DOP1B: variants seen among roughly 807,000 people sequenced by gnomAD.
DOP1B encodes the protein DOP1 leucine zipper like protein B, also known as protein DOP1B.
DOP1B carries 174 observed loss-of-function variants against 233.5 expected under a neutral mutation model. The ratio of observed to expected loss-of-function variants is 0.75; its 90% CI spans 0.66 to 0.85. The LOEUF is 0.85. DOP1B is among the 40% of genes least tolerant of loss of function. The pLI is 0.00. For missense variants in DOP1B, 2,652 were observed against 2,846.6 expected, an observed-to-expected ratio of 0.93 and a Z score of 1.56; for synonymous variants, 1,190 against 1,185.6, an observed-to-expected ratio of 1.00 and a Z score of -0.08.
In DOP1B at chr21:36,262,766, C is replaced by T. The variant is rs867518043; in HGVS notation, c.5316-780C>T. Among the ~76,000 whole-genome samples the T allele has an allele frequency of 1.7e-4, 26 of 152,036 alleles. 1 individual carries two copies. The highest frequency in any genetic ancestry group is 3.4e-3 in the Middle Eastern group (1 of 294). On this transcript the variant is annotated intron_variant, in intron 24 of 36. Transcript: ENST00000691173. ...AAAATTAGCCCAGTGTGTTGGCCCG[C>T]GCCTATACTCCCAGCTTGGGAGGCT...
chr21:36,209,887 G>C (rs2066473994), intron 5 of DOP1B, among the ~76,000 whole-genome samples: 1 of 152,188 alleles, frequency 6.6e-6, no homozygotes, highest in Non-Finnish European at 1.5e-5. Flanking sequence ...ATCTGCAGCT[G>C]AGTGTGAATT....
rs149496563 is a variant in DOP1B, at chr21:36,245,468, C to T, written c.3488C>T (p.Ala1163Val). The T allele has an allele frequency of 2.6e-5, 42 of 1,613,690 alleles. No homozygotes were observed. The highest frequency in any genetic ancestry group is 1.6e-4 in the Middle Eastern group (1 of 6,084). Residue 1163 changes from alanine to valine, a missense_variant, in exon 19 of 37, where the codon GCG (alanine) becomes GTG (valine). Around this residue, in one of 3 missense-constraint regions of DOP1B, gnomAD observed 2,617 missense variants for 2,794.3 expected, o/e 0.94. Coordinates refer to ENST00000691173, the MANE Select transcript of DOP1B (RefSeq NM_001320714.2). This position sits in a 1 kb window ranked among gnomAD's most constrained non-coding sequence, Gnocchi z 5.5. ...RAYPKRSALLAAFQSESFKAG... is the reference protein window; with the variant it reads ...RAYPKRSALLVAFQSESFKAG... The stretch of plus-strand genomic sequence containing the variant: ...TACCCCAAGCGCTCGGCCCTGCTGG[C>T]GGCCTTCCAGTCAGAAAGCTTCAAG...
chr21:36,278,559 C>T (rs939058426), intron 30 of DOP1B, among the ~76,000 whole-genome samples: 1 of 152,126 alleles, frequency 6.6e-6, no homozygotes, highest in African/African-American at 2.4e-5. Context: ...AGGAATATCA[C>T]TTAATTCAGA....
chr21:36,163,172 C>T (rs973011444), intron 1 of DOP1B, among the ~76,000 whole-genome samples: 3 of 151,948 alleles, frequency 2.0e-5, no homozygotes, highest in South Asian at 2.1e-4. Flanking sequence ...CGTGAAACCC[C>T]GTCTCTACTA....
chr21:36,289,143 C>G lies in DOP1B; in HGVS notation c.6452C>G (p.Ser2151Ter), dbSNP rs746104940. The change falls in exon 35 of 37, where the codon TCA becomes TGA. Residue 2151 changes from serine (S) to a stop codon, truncating the protein, a stop_gained. Coordinates refer to ENST00000691173, the MANE Select transcript of DOP1B (RefSeq NM_001320714.2). LOFTEE classifies it high-confidence loss of function. ...CAGAGTGAACTCATCTTGTATTTAT[C>G]AGCTTGCAAATTCTTGGACACAGCG... ...IPQSELILYL[S>*]ACKFLDTALS... is the part of the protein sequence containing the mutation. 2 of 1,614,090 alleles carry G rather than the reference C, an allele frequency of 1.2e-6. No homozygotes were observed. Among genetic ancestry groups the G allele is most frequent in the Non-Finnish European group, 1.7e-6 (2 of 1,179,994 alleles).
intron 22 of DOP1B, among the ~76,000 whole-genome samples, chr21:36,252,044 T>G (rs1490587331): frequency 4.6e-5 from 7 of 151,834 alleles, no homozygotes; most frequent in Admixed American, 4.6e-4. Flanking sequence ...GGGCGTGGTG[T>G]TGTGCACCTA....
intron 36 of DOP1B, among the ~76,000 whole-genome samples, chr21:36,292,713 G>A (rs1366188279): frequency 1.3e-5 from 2 of 149,800 alleles, no homozygotes; most frequent in Non-Finnish European, 3.0e-5. Context: ...CCAGGTTCAA[G>A]CAATTCCCGC....
At chr21:36,175,509 C>T (rs558269610) in intron 2 of DOP1B, among the ~76,000 whole-genome samples, 7 of 151,990 alleles carry the variant, frequency 4.6e-5, no homozygotes, top group Non-Finnish European at 8.8e-5. Flanking sequence ...ATCCTGTCTC[C>T]GGCCGGGTAT....
chr21:36,269,838 A>T (rs983074830), intron 26 of DOP1B, among the ~76,000 whole-genome samples, 175 bp from the exon 27 acceptor site: 1 of 152,064 alleles, frequency 6.6e-6, no homozygotes, highest in African/African-American at 2.4e-5. Flanking sequence ...CTATATTATT[A>T]ATTTAACTTT....
In DOP1B at chr21:36,245,441, C is replaced by T. The variant is rs539542768; in HGVS notation, c.3461C>T (p.Ala1154Val). 35 of 1,613,864 alleles carry T rather than the reference C, an allele frequency of 2.2e-5. No individual in the cohort carries two copies. The South Asian group carries it at 2.9e-4, about 13-fold the overall frequency. Residue 1154 changes from alanine (A) to valine (V), a missense_variant, in exon 19 of 37, where the codon GCG (alanine) becomes GTG (valine). Ala to Val is a moderately conservative substitution (Grantham distance 64, BLOSUM62 0). Coordinates refer to ENST00000691173, the MANE Select transcript of DOP1B (RefSeq NM_001320714.2). The surrounding 1 kb of genome is among the most constrained non-coding windows in gnomAD (Gnocchi z 5.5). ...GCACCCATCCCCATGGGGGGCAGGG[C>T]GTACCCCAAGCGCTCGGCCCTGCTG... is the stretch of plus-strand genomic sequence containing the variant. ...CCAPIPMGGR[A>V]YPKRSALLAA...
chr21:36,287,806 C>T (rs548418416), intron 32 of DOP1B, among the ~76,000 whole-genome samples: 2 of 151,880 alleles, frequency 1.3e-5, no homozygotes, highest in South Asian at 2.1e-4. Flanking sequence ...AGGCTGGCCT[C>T]GAACTCCTTA....
rs533492195 is a variant in DOP1B at position 36,242,164 on chromosome 21, A to G, written c.3067+2209A>G. The stretch of plus-strand genomic sequence containing the variant: ...CAGTTCCTTGGGCATTATTATTATT[A>G]TTATTATTATTATTATTATTATTAT... On this transcript the variant is annotated intron_variant, in intron 18 of 36. Coordinates refer to ENST00000691173, the MANE Select transcript of DOP1B (RefSeq NM_001320714.2). Among the ~76,000 whole-genome samples the G allele has an allele frequency of 2.6e-3, 385 of 147,880 alleles. 6 individuals carry two copies. Among genetic ancestry groups the G allele is most frequent in the East Asian group, 7.6e-3 (38 of 5,012 alleles).
chr21:36,289,341 C>T, intron 35 of DOP1B, 135 bp downstream of exon 35: 2 of 890,642 alleles, frequency 2.2e-6, no homozygotes, highest in Non-Finnish European at 3.4e-6. Flanking sequence ...TAAGCCAGCT[C>T]GGAATACCAA....
chr21:36,230,234 C>T (rs1185849796), intron 13 of DOP1B, among the ~76,000 whole-genome samples: 1 of 152,170 alleles, frequency 6.6e-6, no homozygotes, highest in Non-Finnish European at 1.5e-5. Context: ...CCCCAGAGAG[C>T]ATGTGGGTGT....
chr21:36,285,885 A>T (rs1461095197), intron 32 of DOP1B, among the ~76,000 whole-genome samples: 2 of 151,922 alleles, frequency 1.3e-5, no homozygotes, highest in Non-Finnish European at 2.9e-5. Context: ...TCAGGCGCCT[A>T]TAATCCCAGC....
intron 2 of DOP1B, among the ~76,000 whole-genome samples, chr21:36,188,674 C>CA (rs2066194918): frequency 6.6e-6 from 1 of 152,112 alleles, no homozygotes; most frequent in Admixed American, 6.5e-5. Flanking sequence ...AGTGTTTCAC[C>CA]GTGAAAAATG....
In DOP1B at chr21:36,237,373, T is replaced by C. The variant is rs2066840533; in HGVS notation, c.2734T>C (p.Cys912Arg). ...LHCLAPTANI[C>R]EDIICHALLD... The stretch of plus-strand genomic sequence containing the variant: ...CTGCCTGGCCCCTACGGCCAACATC[T>C]GCGAGGACATCATCTGCCATGCCCT... The change falls in exon 16 of 37, where the codon TGC (cysteine) becomes CGC (arginine). Residue 912 changes from cysteine to arginine, a missense_variant. Around this residue, in one of 3 missense-constraint regions of DOP1B, gnomAD observed 2,617 missense variants for 2,794.3 expected, o/e 0.94. Coordinates refer to ENST00000691173, the MANE Select transcript of DOP1B (RefSeq NM_001320714.2). 1 of 1,614,068 alleles carries C rather than the reference T, an allele frequency of 6.2e-7. No individual in the cohort carries two copies. Among genetic ancestry groups the C allele is most frequent in the Non-Finnish European group, 8.5e-7 (1 of 1,180,040 alleles).
intron 5 of DOP1B, among the ~76,000 whole-genome samples, chr21:36,209,153 G>A (rs1232429243): frequency 5.3e-5 from 8 of 152,156 alleles, no homozygotes; most frequent in Admixed American, 2.0e-4. Flanking sequence ...ACGGAGTCTC[G>A]CTCTGTCGCC....
chr21:36,227,316 G>C (rs1235988188), intron 12 of DOP1B, among the ~76,000 whole-genome samples: 3 of 152,014 alleles, frequency 2.0e-5, no homozygotes, highest in East Asian at 1.9e-4. Context: ...GGGAGGCCAA[G>C]GTGGATGGAT....
Sources: allele counts gnomAD v4.1 joint callset (sites outside exome capture counted in the v4.1 genomes callset), GRCh38; gene constraint gnomAD v4.1.1; regional missense constraint gnomAD v4.1.1; non-coding constraint Gnocchi (gnomAD v3.1); transcripts MANE v1.5; gene names NCBI Gene and HGNC (gene_info 2026-07-23, HGNC 2026-07-21).